The following ADARB2 variants were observed in gnomAD, a reference collection of about 807,000 sequenced individuals.
ADARB2 encodes the protein inactive double-stranded RNA-specific editase B2.
In ADARB2, 25 loss-of-function variants were observed where a neutral mutation model predicts 62.2. The ratio of observed to expected loss-of-function variants is 0.40; its 90% CI spans 0.29 to 0.56. The LOEUF (loss-of-function observed/expected upper bound fraction) is 0.56, where lower values mean the gene tolerates loss of function less well. Among genes scored for constraint, ADARB2 ranks in the 20% least tolerant of loss-of-function variants. The pLI is 0.43. For missense variants in ADARB2, 1,071 were observed against 1,077.4 expected (o/e 0.99, Z 0.08); for synonymous variants, 572 against 500.8 (o/e 1.14, Z -1.90).
At chr10:1,492,021 G>T (rs1831628500) in intron 1 of ADARB2, among the ~76,000 whole-genome samples, 1 of 152,166 alleles carries the variant, frequency 6.6e-6, no homozygotes, top group Non-Finnish European at 1.5e-5. Context: ...GATCATTTTT[G>T]TGATATAAGC....
chr10:1,431,452 A>G (rs1469236589), intron 1 of ADARB2, among the ~76,000 whole-genome samples: 1 of 152,216 alleles, frequency 6.6e-6, no homozygotes, highest in Non-Finnish European at 1.5e-5. Flanking sequence ...AGGGAAATTC[A>G]TAGCACATTT....
chr10:1,233,866 G>A, intron 5 of ADARB2, 21 bp from the exon 6 acceptor site: 6 of 1,607,678 alleles, frequency 3.7e-6, no homozygotes, highest in Non-Finnish European at 5.1e-6. Flanking sequence ...AAAGAGGTTT[G>A]GGGTCATTTA....
chr10:1,240,281 TCCCGGTGTTTACTCCCCTCTCC>T (rs1830901012), intron 5 of ADARB2: 6 of 120,858 alleles, frequency 5.0e-5, no homozygotes, highest in African/African-American at 1.6e-4. Flanking sequence ...CCCCTCTGCC[TCCCGGTGTTTACTCCCCTCTCC>T]CTCCCGGTGT....
At chr10:1,666,476 G>A (rs995014245) in intron 1 of ADARB2, among the ~76,000 whole-genome samples, 1 of 152,248 alleles carries the variant, frequency 6.6e-6, no homozygotes, top group Admixed American at 6.5e-5. Context: ...CCCCAATCGT[G>A]TTCCCGCAGG....
intron 3 of ADARB2, among the ~76,000 whole-genome samples, chr10:1,280,414 G>T (rs548717362): frequency 1.3e-5 from 2 of 152,302 alleles, no homozygotes; most frequent in East Asian, 3.9e-4. Context: ...TGGACATGCA[G>T]GTGTGGACTA....
chr10:1,666,680 AT>A lies in ADARB2; in HGVS notation c.100+70370del, dbSNP rs999763994. 3.4e-3 allele frequency among the ~76,000 whole-genome samples: 511 copies of A among 151,810 alleles called. 3 individuals are homozygous for A. The highest frequency in any genetic ancestry group is 0.012 in the African/African-American group (481 of 41,416). ...GGTTCCAATCCTGATTTTTAGCTTC[AT>A]TTTTTTTGAGGGGCGAGGGCATCTG... is the stretch of plus-strand genomic sequence containing the variant. On this transcript the variant is annotated intron_variant, in intron 1 of 9. Coordinates refer to ENST00000381312, the MANE Select transcript of ADARB2 (RefSeq NM_018702.4).
chr10:1,262,102 T>G (rs1405944915), intron 4 of ADARB2, among the ~76,000 whole-genome samples: 1 of 122,588 alleles, frequency 8.2e-6, no homozygotes, highest in Non-Finnish European at 1.6e-5. Context: ...TGAGATCCCA[T>G]GGACACAGGA....
intron 8 of ADARB2, among the ~76,000 whole-genome samples, chr10:1,190,624 C>A (rs1224407426): frequency 6.6e-6 from 1 of 152,194 alleles, no homozygotes; most frequent in African/African-American, 2.4e-5. Context: ...TTGACTCTCC[C>A]AGCCTCTGCT....
chr10:1,576,138 A>ATCG (rs1833016406), intron 1 of ADARB2, among the ~76,000 whole-genome samples: 2 of 32,604 alleles, frequency 6.1e-5, no homozygotes, highest in Admixed American at 3.6e-4. Flanking sequence ...CAGGGTCACA[A>ATCG]GAGGGGGGTC....
At chr10:1,313,750 C>T (rs957105335) in intron 3 of ADARB2, among the ~76,000 whole-genome samples, 2 of 152,184 alleles carry the variant, frequency 1.3e-5, no homozygotes, top group African/African-American at 4.8e-5. Context: ...AATCGAGGGG[C>T]CTTGCTTGCA....
chr10:1,225,093 G>T (rs934876778), intron 6 of ADARB2, among the ~76,000 whole-genome samples: 1 of 151,972 alleles, frequency 6.6e-6, no homozygotes, highest in Non-Finnish European at 1.5e-5. Flanking sequence ...TATGAATCTG[G>T]GTGCTCCTGT....
At chr10:1,542,349 T>A in intron 1 of ADARB2, among the ~76,000 whole-genome samples, 1 of 9,142 alleles carries the variant, frequency 1.1e-4, no homozygotes, top group Non-Finnish European at 2.6e-4. Context: ...GTTCAGACCC[T>A]GGATCACAGC....
At chr10:1,207,524 A>C (rs80008179) in intron 7 of ADARB2, among the ~76,000 whole-genome samples, 221 of 152,344 alleles carry the variant, frequency 1.5e-3, no homozygotes, top group African/African-American at 5.2e-3. Context: ...GGAAGGCGTC[A>C]GAATTGTTCC....
At chr10:1,584,803 G>T (rs968931389) in intron 1 of ADARB2, among the ~76,000 whole-genome samples, 5 of 152,154 alleles carry the variant, frequency 3.3e-5, no homozygotes, top group Admixed American at 2.0e-4. Flanking sequence ...AAAAAGACAC[G>T]GGGGAAATGT....
chr10:1,354,467 G>C (rs1158464036), intron 3 of ADARB2, among the ~76,000 whole-genome samples: 1 of 149,326 alleles, frequency 6.7e-6, no homozygotes, highest in Admixed American at 6.7e-5. Context: ...ATCTCCCTTC[G>C]CTGATTCTCT....
chr10:1,281,201 G>T (rs527794383), intron 3 of ADARB2, among the ~76,000 whole-genome samples: 2 of 152,232 alleles, frequency 1.3e-5, no homozygotes, highest in South Asian at 2.1e-4. Context: ...CACACGTTTG[G>T]TGGGTCCAGA....
At chr10:1,690,613 G>A (rs1031580317) in intron 1 of ADARB2, among the ~76,000 whole-genome samples, 5 of 152,124 alleles carry the variant, frequency 3.3e-5, no homozygotes, top group East Asian at 1.9e-4. Flanking sequence ...AGATAGGAGG[G>A]AAAGGAAGGC....
chr10:1,589,604 CT>C (rs1199755329), intron 1 of ADARB2, among the ~76,000 whole-genome samples: 3 of 152,358 alleles, frequency 2.0e-5, no homozygotes, highest in Admixed American at 1.3e-4. Context: ...ATGGCCACCC[CT>C]GAGTTAGAAG....
At chr10:1,331,858 A>G (rs1287407563) in intron 3 of ADARB2, among the ~76,000 whole-genome samples, 2 of 152,174 alleles carry the variant, frequency 1.3e-5, no homozygotes, top group Admixed American at 1.3e-4. Context: ...AACACACTAC[A>G]CTAGTGAATT....
Sources: gnomAD v4.1 joint callset for allele counts (sites outside exome capture counted in the v4.1 genomes callset) on GRCh38, gnomAD v4.1.1 for gene constraint, MANE v1.5 for transcripts, NCBI Gene and HGNC (gene_info 2026-07-23, HGNC 2026-07-21) for gene names.